Variants in SH3BP5 observed in about 807,000 individuals in gnomAD.
SH3BP5 encodes SH3 domain binding protein 5, also known as SH3 domain-binding protein 5.
A neutral mutation model predicts 43.3 loss-of-function variants in SH3BP5; 22 were observed. The ratio of observed to expected loss-of-function variants is 0.51; its 90% CI spans 0.36 to 0.73. The LOEUF is 0.73. Among genes scored for constraint, SH3BP5 ranks in the 30% least tolerant of loss-of-function variants. SH3BP5 has a pLI of 0.00. For missense variants in SH3BP5, 529 were observed against 586.9 expected, an observed-to-expected ratio of 0.90 and a Z score of 1.02; for synonymous variants, 255 against 225.8, an observed-to-expected ratio of 1.13 and a Z score of -1.16.
At chr3:15,259,933 C>A in intron 5 of SH3BP5, 130 bp from the exon 6 acceptor site, 1 of 800,028 alleles carries the variant, frequency 1.2e-6, no homozygotes, top group Admixed American at 2.0e-5. Context: ...AAACTCTTAA[C>A]AAGGCCGTGA....
intron 3 of SH3BP5, among the ~76,000 whole-genome samples, chr3:15,280,733 G>A (rs1243526273): frequency 2.6e-5 from 4 of 152,122 alleles, no homozygotes; most frequent in African/African-American, 9.7e-5. Context: ...CACTGCGGTG[G>A]GTTTCCCTGA....
At chr3:15,333,254 C>T (rs2124836886), upstream of SH3BP5, 1 of 985,390 alleles carries the variant, frequency 1.0e-6, no homozygotes, top group East Asian at 1.1e-4. Flanking sequence ...ACACAGCATC[C>T]GAAAAGGCCA....
chr3:15,306,604 C>T (rs1448076537), intron 2 of SH3BP5, among the ~76,000 whole-genome samples: 1 of 152,176 alleles, frequency 6.6e-6, no homozygotes, highest in African/African-American at 2.4e-5. Flanking sequence ...AGACTCAACA[C>T]CCACCTGCTG....
chr3:15,257,216 G>T, intron 7 of SH3BP5, 103 bp from the exon 8 acceptor site: 3 of 1,213,158 alleles, frequency 2.5e-6, no homozygotes, highest in Non-Finnish European at 3.5e-6. Flanking sequence ...GGGGACTAAA[G>T]AGTCTCTACC....
intron 4 of SH3BP5, among the ~76,000 whole-genome samples, chr3:15,264,032 A>G (rs1696547374): frequency 6.6e-6 from 1 of 152,248 alleles, no homozygotes; most frequent in African/African-American, 2.4e-5. Context: ...AGAAGGCCAC[A>G]GAGGAAGGTT....
intron 4 of SH3BP5, among the ~76,000 whole-genome samples, chr3:15,266,759 G>A (rs1291095748): frequency 6.6e-6 from 1 of 152,234 alleles, no homozygotes; most frequent in East Asian, 1.9e-4. Flanking sequence ...GTCCCTGTCT[G>A]TGCCACTGCA....
At chr3:15,258,729 A>ACT in intron 7 of SH3BP5, 102 bp downstream of exon 7, 1 of 1,042,996 alleles carries the variant, frequency 9.6e-7, no homozygotes, top group Non-Finnish European at 1.4e-6. Context: ...GGCCTGCCCA[A>ACT]CTCTGAGACC....
intron 3 of SH3BP5, among the ~76,000 whole-genome samples, chr3:15,294,300 T>TAA (rs2125098295): frequency 7.4e-6 from 1 of 134,740 alleles, no homozygotes; most frequent in Non-Finnish European, 1.6e-5. Flanking sequence ...AGTGTGTGTG[T>TAA]GTGTGTGTGT....
chr3:15,317,333 C>T (rs908603441), intron 2 of SH3BP5, among the ~76,000 whole-genome samples: 2 of 152,200 alleles, frequency 1.3e-5, no homozygotes, highest in East Asian at 3.8e-4. Flanking sequence ...CCACAGCATT[C>T]CAGGCAGGCT....
At chr3:15,284,470 C>T (rs1008610099) in intron 3 of SH3BP5, among the ~76,000 whole-genome samples, 11 of 152,318 alleles carry the variant, frequency 7.2e-5, no homozygotes, top group African/African-American at 2.2e-4. Flanking sequence ...CTCTATTTGG[C>T]GACTGCTTTC....
At chr3:15,299,910 C>T (rs1697687510) in intron 3 of SH3BP5, among the ~76,000 whole-genome samples, 1 of 152,070 alleles carries the variant, frequency 6.6e-6, no homozygotes, top group Non-Finnish European at 1.5e-5. Context: ...CTCCAAATGG[C>T]ATACGTACTT....
intron 3 of SH3BP5, among the ~76,000 whole-genome samples, chr3:15,294,290 AGTGTGTGTGT>A (rs10522979): frequency 2.1e-3 from 296 of 138,230 alleles, no homozygotes; most frequent in African/African-American, 6.8e-3. Flanking sequence ...TGCAAAAGTA[AGTGTGTGTGT>A]GTGTGTGTGT....
At chr3:15,294,318 TGTGTGTGTGTGTGCGC>T (rs1294654695) in intron 3 of SH3BP5, among the ~76,000 whole-genome samples, 7 of 143,308 alleles carry the variant, frequency 4.9e-5, no homozygotes, top group African/African-American at 1.9e-4. Context: ...TGTGTGTGTG[TGTGTGTGTGTGTGCGC>T]GCGCATGTTT....
intron 3 of SH3BP5, among the ~76,000 whole-genome samples, chr3:15,284,853 GGA>G (rs1697221616): frequency 6.6e-6 from 1 of 152,210 alleles, no homozygotes; most frequent in Admixed American, 6.5e-5. Context: ...TGAAGGGAGA[GGA>G]GAGAAGGACA....
intron 4 of SH3BP5, among the ~76,000 whole-genome samples, chr3:15,266,018 C>T (rs968549583): frequency 2.6e-5 from 4 of 152,204 alleles, no homozygotes; most frequent in African/African-American, 7.2e-5. Context: ...CCAGGCACAG[C>T]TCCTCAGCCT....
intron 5 of SH3BP5, among the ~76,000 whole-genome samples, chr3:15,261,748 CT>C (rs1012743284): frequency 3.9e-5 from 6 of 151,930 alleles, no homozygotes; most frequent in Admixed American, 3.3e-4. Context: ...ATTTTATCAG[CT>C]CTTGATCACA....
intron 3 of SH3BP5, among the ~76,000 whole-genome samples, chr3:15,296,321 C>CCA: frequency 6.7e-6 from 1 of 149,304 alleles, no homozygotes; most frequent in African/African-American, 2.6e-5. Flanking sequence ...TCACTCCATA[C>CCA]CTCAAATGGG....
chr3:15,339,443 G>A (rs1484356995), intron 1 of SH3BP5, among the ~76,000 whole-genome samples: 1 of 152,174 alleles, frequency 6.6e-6, no homozygotes, highest in Non-Finnish European at 1.5e-5. Context: ...CAGGTGCGGT[G>A]GCTCACACCT....
At chr3:15,321,190 A>C (rs1698316188) in intron 2 of SH3BP5, among the ~76,000 whole-genome samples, 1 of 152,246 alleles carries the variant, frequency 6.6e-6, no homozygotes. Context: ...AGTCAAATAC[A>C]CAGAGTAACT....
Sources: gnomAD v4.1 joint callset for allele counts (sites outside exome capture counted in the v4.1 genomes callset) on GRCh38, gnomAD v4.1.1 for gene constraint, MANE v1.5 for transcripts, NCBI Gene and HGNC (gene_info 2026-07-23, HGNC 2026-07-21) for gene names.